Variants in MMP26 observed in about 807,000 individuals in gnomAD.
MMP26 encodes matrix metalloproteinase-26.
In MMP26, 33 loss-of-function variants were observed where a neutral mutation model predicts 31.0. The observed-to-expected ratio is 1.06, with a 90% confidence interval of 0.81 to 1.42. MMP26 has a LOEUF of 1.42. MMP26 is among the 40% of genes most tolerant of loss of function. MMP26 has a pLI of 0.00. For missense variants in MMP26, 347 were observed against 316.1 expected (o/e 1.10, Z -0.74); for synonymous variants, 122 against 114.9 (o/e 1.06, Z -0.40).
At chr11:4,958,188 C>A (rs115576413) in intron 2 of MMP26, among the ~76,000 whole-genome samples, 1 of 152,134 alleles carries the variant, frequency 6.6e-6, no homozygotes. Context: ...CTCCTATCCC[C>A]CCTTCCTCTT....
intron 1 of MMP26, among the ~76,000 whole-genome samples, chr11:4,757,571 C>T (rs1848519957): frequency 6.6e-6 from 1 of 151,774 alleles, no homozygotes; most frequent in African/African-American, 2.4e-5. Flanking sequence ...GCATAAAAAA[C>T]TCATATACAA....
chr11:4,988,770 C>T (rs1846945344), intron 3 of MMP26, among the ~76,000 whole-genome samples: 1 of 152,192 alleles, frequency 6.6e-6, no homozygotes, highest in South Asian at 2.1e-4. Context: ...AACTTTTAAG[C>T]ATCCAAAATA....
chr11:4,795,845 AG>A (rs1564911461), intron 2 of MMP26, among the ~76,000 whole-genome samples: 7 of 88,912 alleles, frequency 7.9e-5, no homozygotes, highest in Non-Finnish European at 1.2e-4. Context: ...AGAGAGAGGG[AG>A]AGAGAGAGAG....
intron 1 of MMP26, among the ~76,000 whole-genome samples, chr11:4,735,920 TC>T (rs780936148): frequency 6.6e-6 from 1 of 152,190 alleles, no homozygotes; most frequent in African/African-American, 2.4e-5. Flanking sequence ...TATTCATACT[TC>T]CAAACCTTTA....
chr11:4,849,049 G>A (rs200206720), intron 2 of MMP26: 3 of 1,614,064 alleles, frequency 1.9e-6, no homozygotes, highest in East Asian at 2.2e-5. Flanking sequence ...ATGATCCAGA[G>A]GATGGTGCCA....
intron 1 of MMP26, among the ~76,000 whole-genome samples, chr11:4,762,467 T>G (rs1198118779): frequency 6.6e-6 from 1 of 152,174 alleles, no homozygotes; most frequent in Non-Finnish European, 1.5e-5. Flanking sequence ...ATATCATCTT[T>G]GCAAGAACCA....
chr11:4,719,475 A>C (rs575299043), intron 1 of MMP26: 1 of 153,972 alleles, frequency 6.5e-6, no homozygotes, highest in South Asian at 2.0e-4. Flanking sequence ...TCCCTCCTGT[A>C]ATGAACCCCA....
chr11:4,860,011 T>G, intron 2 of MMP26: 1 of 470,942 alleles, frequency 2.1e-6, no homozygotes, highest in Non-Finnish European at 4.4e-6. Context: ...CCGCATCATG[T>G]TTTGGTGAAG....
chr11:4,792,062 C>T (rs1432102191), intron 2 of MMP26, among the ~76,000 whole-genome samples: 1 of 151,920 alleles, frequency 6.6e-6, no homozygotes, highest in Non-Finnish European at 1.5e-5. Flanking sequence ...TCATATTCCT[C>T]ATCTTATCTG....
intron 1 of MMP26, among the ~76,000 whole-genome samples, chr11:4,717,157 A>C (rs1219621815): frequency 1.3e-5 from 2 of 152,118 alleles, no homozygotes; most frequent in East Asian, 3.8e-4. Flanking sequence ...CCAACTTTCT[A>C]ATATAGATAC....
chr11:4,943,717 G>A, intron 2 of MMP26: 11 of 353,758 alleles, frequency 3.1e-5, no homozygotes, highest in South Asian at 2.5e-4. Flanking sequence ...AGGAGCCCCA[G>A]AGTTGAGATT....
intron 2 of MMP26, among the ~76,000 whole-genome samples, chr11:4,864,932 G>A (rs368931052): frequency 6.6e-6 from 1 of 151,976 alleles, no homozygotes; most frequent in Non-Finnish European, 1.5e-5. Context: ...AATAGAGTTC[G>A]TGAGTCTTAT....
At chr11:4,854,389 T>C (rs371596891) in intron 2 of MMP26, among the ~76,000 whole-genome samples, 86 of 152,256 alleles carry the variant, frequency 5.6e-4, no homozygotes, top group African/African-American at 1.9e-3. Context: ...CCAACAGTCT[T>C]AGCAAATGGC....
chr11:4,915,994 C>T (rs945714370), intron 2 of MMP26, among the ~76,000 whole-genome samples: 2 of 152,076 alleles, frequency 1.3e-5, no homozygotes, highest in Non-Finnish European at 2.9e-5. Flanking sequence ...TCTTCTTAGC[C>T]ACTAGAGTTT....
At chr11:4,875,090 T>A (rs540404140) in intron 2 of MMP26, 1 of 152,134 alleles carries the variant, frequency 6.6e-6, no homozygotes, top group Non-Finnish European at 1.5e-5. Flanking sequence ...TCTCCATGGA[T>A]GGCTTTAATC....
intron 2 of MMP26, among the ~76,000 whole-genome samples, chr11:4,866,785 C>T (rs1216158498): frequency 2.0e-5 from 3 of 152,092 alleles, no homozygotes; most frequent in Non-Finnish European, 4.4e-5. Context: ...GATTACACAC[C>T]TACAACCATC....
intron 2 of MMP26, among the ~76,000 whole-genome samples, chr11:4,920,687 A>T (rs1228498488): frequency 3.9e-5 from 6 of 152,142 alleles, no homozygotes; most frequent in Admixed American, 6.5e-5. Context: ...TCTGTCAAGG[A>T]CTTTTGTTTC....
In MMP26 at chr11:4,749,625, A is replaced by G. The variant is rs192453370; in HGVS notation, c.-216-17645A>G. Among the ~76,000 whole-genome samples, 3 of 152,246 alleles carry G rather than the reference A, an allele frequency of 2.0e-5. No homozygotes were observed. In the East Asian group the frequency reaches 5.8e-4, roughly 29 times the overall value. On this transcript the variant is annotated intron_variant, in intron 1 of 7. Coordinates refer to ENST00000380390, the MANE Select transcript of MMP26 (RefSeq NM_021801.5). Reference sequence around the variant, plus strand: ...TTAGAGAACCCAGAAATAAAGCCACATATCTACAGCCGGCTGATCTGTGAC... The same window carrying G: ...TTAGAGAACCCAGAAATAAAGCCACGTATCTACAGCCGGCTGATCTGTGAC...
At chr11:4,730,709 C>T (rs1372471375) in intron 1 of MMP26, among the ~76,000 whole-genome samples, 1 of 152,190 alleles carries the variant, frequency 6.6e-6, no homozygotes, top group African/African-American at 2.4e-5. Flanking sequence ...GAGAATCACA[C>T]TGGTCCACCA....
Sources: gnomAD v4.1 joint callset for allele counts (sites outside exome capture counted in the v4.1 genomes callset) on GRCh38, gnomAD v4.1.1 for gene constraint, MANE v1.5 for transcripts, NCBI Gene and HGNC (gene_info 2026-07-23, HGNC 2026-07-21) for gene names.